PCSK6: variants seen among roughly 807,000 people sequenced by gnomAD.
PCSK6 encodes the protein proprotein convertase subtilisin/kexin type 6, also known as paired basic amino acid cleaving enzyme 4.
A neutral mutation model predicts 123.3 loss-of-function variants in PCSK6; 85 were observed. The ratio of observed to expected loss-of-function variants is 0.69; its 90% CI spans 0.58 to 0.83. The LOEUF is 0.83. PCSK6 is among the 40% of genes least tolerant of loss of function. The pLI is 0.00. For synonymous variants in PCSK6, 508 were observed against 516.0 expected (o/e 0.98, Z 0.21); for missense variants, 1,191 against 1,282.3 (o/e 0.93, Z 1.09).
intron 11 of PCSK6, among the ~76,000 whole-genome samples, chr15:101,374,123 C>A (rs1276810835): frequency 3.3e-5 from 5 of 152,192 alleles, no homozygotes; most frequent in African/African-American, 1.2e-4. Context: ...ACGTGCCACG[C>A]AGCCACATTT....
chr15:101,444,968 T>C (rs2056849426), intron 1 of PCSK6, among the ~76,000 whole-genome samples: 1 of 152,230 alleles, frequency 6.6e-6, no homozygotes, highest in African/African-American at 2.4e-5. Flanking sequence ...CCGGCAACCC[T>C]GGCAGCCTTG....
chr15:101,452,897 G>A (rs1222112777), intron 1 of PCSK6, among the ~76,000 whole-genome samples: 1 of 152,198 alleles, frequency 6.6e-6, no homozygotes, highest in African/African-American at 2.4e-5. Context: ...TGGAGCACTG[G>A]GGCTGGCGGG....
chr15:101,411,712 A>T (rs541751720), intron 6 of PCSK6, among the ~76,000 whole-genome samples: 60 of 150,366 alleles, frequency 4.0e-4, no homozygotes, highest in Non-Finnish European at 7.0e-4. Flanking sequence ...CCGTGGTACC[A>T]CCCCGACCTA....
intron 1 of PCSK6, among the ~76,000 whole-genome samples, chr15:101,460,430 C>T (rs1482129961): frequency 6.6e-6 from 1 of 152,198 alleles, no homozygotes; most frequent in Non-Finnish European, 1.5e-5. Context: ...AGCCCAAACA[C>T]CTGCTCCTCC....
At position 101,403,113 on chromosome 15, in the gene PCSK6, C is replaced by T. The variant is rs76974280; in HGVS notation, c.824-4537G>A. 8.7e-4 allele frequency among the ~76,000 whole-genome samples: 132 copies of T among 152,002 alleles called. 2 individuals are homozygous for T. In the East Asian group the frequency reaches 0.025, roughly 29 times the overall value. On this transcript the variant is annotated intron_variant, in intron 6 of 21. Coordinates refer to ENST00000611716, the MANE Select transcript of PCSK6 (RefSeq NM_002570.5). ...GCCATAAAAAATGATGAGTTCATGT[C>T]CTTTGTAGGGACATGGATGAAACTG... is the stretch of plus-strand genomic sequence containing the variant.
intron 18 of PCSK6, among the ~76,000 whole-genome samples, chr15:101,321,406 G>T (rs768485354): frequency 6.6e-6 from 1 of 152,164 alleles, no homozygotes; most frequent in Non-Finnish European, 1.5e-5. Context: ...AAAGAGGCAG[G>T]CTGAAGGAAA....
At chr15:101,371,369 A>G (rs527523097) in intron 11 of PCSK6, among the ~76,000 whole-genome samples, 1 of 152,278 alleles carries the variant, frequency 6.6e-6, no homozygotes, top group East Asian at 1.9e-4. Context: ...AGGTACACTA[A>G]AAGGCCAGAC....
At chr15:101,488,120 A>G (rs1383959762) in intron 1 of PCSK6, among the ~76,000 whole-genome samples, 1 of 152,122 alleles carries the variant, frequency 6.6e-6, no homozygotes, top group Non-Finnish European at 1.5e-5. Context: ...AACTAATGTC[A>G]TTTCTATCAA....
intron 1 of PCSK6, among the ~76,000 whole-genome samples, chr15:101,464,694 T>G (rs76818996): frequency 6.6e-6 from 1 of 152,148 alleles, no homozygotes; most frequent in African/African-American, 2.4e-5. Context: ...AGGGATCTAC[T>G]GCGTGACACC....
In PCSK6 at chr15:101,396,354, G is replaced by C. The variant is rs191964260; in HGVS notation, c.996+2050C>G. Among the ~76,000 whole-genome samples the C allele has an allele frequency of 3.6e-3, 547 of 152,128 alleles. 1 individual carries two copies. Among genetic ancestry groups the C allele is most frequent in the African/African-American group, 0.012 (513 of 41,484 alleles). ...GCTCAGTGAACCAGAGAGCCCGAAC[G>C]ATCACTGCCAAACAACCAGGACCCC... On this transcript the variant is annotated intron_variant, in intron 7 of 21. Coordinates refer to ENST00000611716, the MANE Select transcript of PCSK6 (RefSeq NM_002570.5).
intron 5 of PCSK6, among the ~76,000 whole-genome samples, 172 bp downstream of exon 5, chr15:101,429,815 C>A (rs2056385474): frequency 6.6e-6 from 1 of 152,216 alleles, no homozygotes. Context: ...GCTGGCCGTG[C>A]CTGAAGGGCT....
rs932952561 is a variant in PCSK6 at position 101,447,798 on chromosome 15, G to A, written c.298-4138C>T. Among the ~76,000 whole-genome samples, 9 of 152,218 alleles carry A rather than the reference G, an allele frequency of 5.9e-5. No homozygotes were observed. In the South Asian group the frequency reaches 6.2e-4, roughly 11 times the overall value. ...CACACCAGGCGCTGGCTCTGCTCCC[G>A]TGCTCACAGCTCATCGACTACGCAC... On this transcript the variant is annotated intron_variant, in intron 1 of 21. Transcript: ENST00000611716.
intron 13 of PCSK6, among the ~76,000 whole-genome samples, chr15:101,341,099 T>A (rs1368914667): frequency 6.6e-6 from 1 of 150,856 alleles, no homozygotes; most frequent in African/African-American, 2.4e-5. Flanking sequence ...CACACCCAGC[T>A]AAATTTTGTA....
In PCSK6 at chr15:101,375,196, G is replaced by A. The variant is rs553299070; in HGVS notation, c.1533-4673C>T. 6.6e-5 allele frequency among the ~76,000 whole-genome samples: 10 copies of A among 152,174 alleles called. No individual in the cohort carries two copies. In the South Asian group the frequency reaches 1.9e-3, roughly 28 times the overall value. ...TCAAACTCCTGACCTCAGGCGATCC[G>A]CCCGCCTCGGCCTCCCAAACTGTTG... On this transcript the variant is annotated intron_variant, in intron 11 of 21. Coordinates refer to ENST00000611716, the MANE Select transcript of PCSK6 (RefSeq NM_002570.5).
intron 13 of PCSK6, chr15:101,347,631 G>A: frequency 6.4e-7 from 1 of 1,565,066 alleles, no homozygotes; most frequent in Non-Finnish European, 8.7e-7. Context: ...GGGGGCGGGA[G>A]CTGAGAGATC....
At chr15:101,363,507 TTAA>T (rs1436665412) in intron 13 of PCSK6, among the ~76,000 whole-genome samples, 1 of 152,242 alleles carries the variant, frequency 6.6e-6, no homozygotes, top group Non-Finnish European at 1.5e-5. Flanking sequence ...ACCTTGACTT[TTAA>T]TACTCGGCCA....
intron 5 of PCSK6, among the ~76,000 whole-genome samples, chr15:101,428,332 G>A (rs553422254): frequency 4.9e-4 from 75 of 152,370 alleles, no homozygotes; most frequent in African/African-American, 1.6e-3. Context: ...CCACTGCTGT[G>A]TAGGGTGGGT....
chr15:101,394,112 G>A (rs2042323325), intron 7 of PCSK6, among the ~76,000 whole-genome samples: 1 of 150,152 alleles, frequency 6.7e-6, no homozygotes, highest in Non-Finnish European at 1.5e-5. Context: ...CCTCATTTGT[G>A]TGTAGGTTTT....
rs532119522 is a variant in PCSK6 at position 101,468,082 on chromosome 15, G to C, written c.297+21292C>G. Among the ~76,000 whole-genome samples, 3 of 152,288 alleles carry C rather than the reference G, an allele frequency of 2.0e-5. No homozygotes were observed. In the South Asian group the frequency reaches 6.2e-4, roughly 32 times the overall value. The stretch of plus-strand genomic sequence containing the variant: ...TAAACATGTTTCAAAAATAACAAAG[G>C]AGAAAAAAGTGTGGTGTCAGCTCTG... On this transcript the variant is annotated intron_variant, in intron 1 of 21. Coordinates refer to ENST00000611716, the MANE Select transcript of PCSK6 (RefSeq NM_002570.5).
Sources: gnomAD v4.1 joint callset for allele counts (sites outside exome capture counted in the v4.1 genomes callset) on GRCh38, gnomAD v4.1.1 for gene constraint, MANE v1.5 for transcripts, NCBI Gene and HGNC (gene_info 2026-07-23, HGNC 2026-07-21) for gene names.